Variants in SYTL5 observed in about 807,000 individuals in gnomAD.
SYTL5 encodes synaptotagmin like 5.
Under a neutral mutation model 55.9 loss-of-function variants are expected in SYTL5, and 34 were observed. The observed-to-expected ratio is 0.61, with a 90% CI of 0.46 to 0.81. The LOEUF is 0.81. Among genes scored for constraint, SYTL5 ranks in the 30% least tolerant of loss-of-function variants. The pLI, the probability that SYTL5 is intolerant of heterozygous loss-of-function variation, is 0.00. For synonymous variants in SYTL5, 221 were observed against 188.7 expected, an observed-to-expected ratio of 1.17 and a Z score of -1.40; for missense variants, 637 against 546.7, an observed-to-expected ratio of 1.17 and a Z score of -1.65.
At chrX:38,119,826 A>G (rs962459019) in intron 13 of SYTL5, among the ~76,000 whole-genome samples, 1 of 112,310 alleles carries the variant, frequency 8.9e-6, no homozygotes, top group African/African-American at 3.2e-5. Context: ...CACTTTCTCC[A>G]TGTTGAATTT....
intron 10 of SYTL5, among the ~76,000 whole-genome samples, chrX:38,104,722 G>T (rs1937163104): frequency 8.9e-6 from 1 of 111,816 alleles, no homozygotes; most frequent in Non-Finnish European, 1.9e-5. Flanking sequence ...ACTTCCCAGT[G>T]GTTCACAGAA....
intron 1 of SYTL5, among the ~76,000 whole-genome samples, chrX:38,011,532 A>C (rs1190085629): frequency 9.1e-6 from 1 of 110,250 alleles, no homozygotes; most frequent in Non-Finnish European, 1.9e-5. Context: ...TACTCGGGAG[A>C]CTGAGGCAGG....
chrX:37,990,242 A>G, the SYTL5 span, among the ~76,000 whole-genome samples: 2 of 111,313 alleles, frequency 1.8e-5, no homozygotes, highest in African/African-American at 6.6e-5. Context: ...TGACACTCAT[A>G]CAGATATGAA....
the SYTL5 span, among the ~76,000 whole-genome samples, chrX:37,937,886 G>A: frequency 3.6e-5 from 4 of 112,457 alleles, no homozygotes; most frequent in Non-Finnish European, 7.5e-5. Flanking sequence ...CAGACAGAAA[G>A]TCTATGGATT....
intron 1 of SYTL5, among the ~76,000 whole-genome samples, chrX:38,014,952 A>G (rs1934302949): frequency 8.9e-6 from 1 of 112,141 alleles, no homozygotes; most frequent in Admixed American, 9.5e-5. Flanking sequence ...TTATTTAGGA[A>G]TAGAATGGGA....
the SYTL5 span, among the ~76,000 whole-genome samples, chrX:37,938,654 C>T: frequency 9.0e-6 from 1 of 111,331 alleles, no homozygotes; most frequent in Non-Finnish European, 1.9e-5. Context: ...CTCCTTTCCT[C>T]CTTCCTTCCC....
the SYTL5 span, among the ~76,000 whole-genome samples, chrX:37,955,349 G>A: frequency 9.0e-6 from 1 of 111,671 alleles, no homozygotes; most frequent in African/African-American, 3.3e-5. Flanking sequence ...TTATATGTAA[G>A]TTTGTTTAAA....
intron 6 of SYTL5, among the ~76,000 whole-genome samples, chrX:38,079,018 C>G (rs1936461522): frequency 8.9e-6 from 1 of 112,000 alleles, no homozygotes; most frequent in African/African-American, 3.2e-5. Context: ...CTTGAACGTG[C>G]ATTTATCACA....
the SYTL5 span, among the ~76,000 whole-genome samples, chrX:37,984,950 C>T: frequency 8.9e-6 from 1 of 111,790 alleles, no homozygotes; most frequent in Non-Finnish European, 1.9e-5. Context: ...AAATATTCAA[C>T]AAGCTAGAAA....
the SYTL5 span, among the ~76,000 whole-genome samples, chrX:37,966,874 T>C: frequency 6.6e-4 from 74 of 112,352 alleles, no homozygotes; most frequent in African/African-American, 2.2e-3. Context: ...CCATCGAATT[T>C]TATGCTTCTG....
intron 11 of SYTL5, among the ~76,000 whole-genome samples, chrX:38,108,192 T>G (rs1302201752): frequency 2.7e-5 from 3 of 112,375 alleles, no homozygotes; most frequent in African/African-American, 9.7e-5. Context: ...TTACATGTAT[T>G]GAGTAGTACA....
intron 5 of SYTL5, among the ~76,000 whole-genome samples, chrX:38,075,679 G>C (rs780648629): frequency 2.7e-5 from 3 of 111,911 alleles, no homozygotes; most frequent in Non-Finnish European, 5.6e-5. Flanking sequence ...GTAGATTAAA[G>C]CTTCAGATGC....
chrX:37,925,782 A>G, the SYTL5 span, among the ~76,000 whole-genome samples: 1 of 110,771 alleles, frequency 9.0e-6, no homozygotes, highest in Non-Finnish European at 1.9e-5. Context: ...CAAGTCCCCA[A>G]AGTCAATTAT....
At chrX:37,970,730 T>TA in the SYTL5 span, among the ~76,000 whole-genome samples, 985 of 112,200 alleles carry the variant, frequency 8.8e-3, 15 homozygotes, top group African/African-American at 0.03. Context: ...AGGTATCTAC[T>TA]TAAGTAATAA....
chrX:37,995,098 G>T, the SYTL5 span, among the ~76,000 whole-genome samples: 1 of 110,004 alleles, frequency 9.1e-6, no homozygotes, highest in Non-Finnish European at 1.9e-5. Context: ...GGAGGAACTG[G>T]CTGGGATAAA....
intron 7 of SYTL5, among the ~76,000 whole-genome samples, chrX:38,093,849 G>A (rs1355973464): frequency 2.7e-5 from 3 of 109,620 alleles, no homozygotes; most frequent in African/African-American, 1.0e-4. Context: ...GTTAAATGGG[G>A]GTGGAAGAGG....
At chrX:38,006,854 T>C (rs1213590996) in intron 1 of SYTL5, among the ~76,000 whole-genome samples, 186 bp downstream of exon 1, 1 of 111,312 alleles carries the variant, frequency 9.0e-6, no homozygotes, top group African/African-American at 3.3e-5. Context: ...TGGCCATTGG[T>C]AGCTATGAGT....
At chrX:37,939,367 G>A in the SYTL5 span, among the ~76,000 whole-genome samples, 1 of 111,778 alleles carries the variant, frequency 8.9e-6, no homozygotes, top group African/African-American at 3.3e-5. Flanking sequence ...TTTATACCTA[G>A]GCTTAACTTC....
chrX:38,118,717 G>A (rs760893127), intron 13 of SYTL5, among the ~76,000 whole-genome samples: 63 of 110,608 alleles, frequency 5.7e-4, no homozygotes, highest in Non-Finnish European at 8.7e-4. Context: ...TTCCCCAATG[G>A]TAACCTATAG....
Sources: gnomAD v4.1 joint callset for allele counts (sites outside exome capture counted in the v4.1 genomes callset) on GRCh38, gnomAD v4.1.1 for gene constraint, MANE v1.5 for transcripts, NCBI Gene and HGNC (gene_info 2026-07-23, HGNC 2026-07-21) for gene names.